Variants in ARHGAP35 observed in about 807,000 individuals in gnomAD.
ARHGAP35 encodes rho GTPase-activating protein 35.
A neutral mutation model predicts 111.1 loss-of-function variants in ARHGAP35; 15 were observed. The observed-to-expected ratio is 0.13, with a 90% CI of 0.09 to 0.21. The LOEUF is 0.21. ARHGAP35 is among the 10% of genes least tolerant of loss of function. The pLI is 1.00. For missense variants in ARHGAP35, 1,262 were observed against 1,873.0 expected, an observed-to-expected ratio of 0.67 and a Z score of 6.02; for synonymous variants, 643 against 710.3, an observed-to-expected ratio of 0.91 and a Z score of 1.51.
intron 1 of ARHGAP35, among the ~76,000 whole-genome samples, chr19:46,865,592 A>G (rs563597014): frequency 2.0e-5 from 3 of 152,312 alleles, no homozygotes; most frequent in African/African-American, 7.2e-5. Flanking sequence ...TGCACAGGTG[A>G]CAGTAAACCA....
chr19:46,991,905 A>T (rs948184996), intron 5 of ARHGAP35, among the ~76,000 whole-genome samples: 1 of 152,262 alleles, frequency 6.6e-6, no homozygotes, highest in Non-Finnish European at 1.5e-5. Flanking sequence ...TTGTGTCTCT[A>T]TATGTTCAGG....
In ARHGAP35 at chr19:46,988,256, C is replaced by T; in HGVS notation, c.3904+190C>T. 1 of 578,392 alleles carries T rather than the reference C, an allele frequency of 1.7e-6. No homozygotes were observed. Among genetic ancestry groups the T allele is most frequent in the Admixed American group, 2.8e-5 (1 of 35,838 alleles). 35.8% of individuals were successfully genotyped at this position (578,392 alleles called of 1,614,324 possible). A position where few individuals can be genotyped will look rare whatever the true frequency, so the allele number is the denominator to read the frequency against. On this transcript the variant is annotated intron_variant, in intron 4 of 6. Transcript: ENST00000672722. The surrounding 1 kb of genome is among the most constrained non-coding windows in gnomAD (Gnocchi z 5.4). ...GAGGGGACCGGGTCCTGTCAGTGAA[C>T]CGAAGCACCATCCCTGCCCAAGCTG...
chr19:46,888,364 A>ACACC (rs1204026031), intron 1 of ARHGAP35, among the ~76,000 whole-genome samples: 1 of 106,366 alleles, frequency 9.4e-6, no homozygotes, highest in African/African-American at 3.4e-5. Flanking sequence ...ACACACACAC[A>ACACC]CCCCACAACA....
At chr19:46,890,654 G>A (rs2056019229) in intron 1 of ARHGAP35, among the ~76,000 whole-genome samples, 1 of 152,210 alleles carries the variant, frequency 6.6e-6, no homozygotes, top group Non-Finnish European at 1.5e-5. Flanking sequence ...TCATTGATGG[G>A]TTGCAAACCT....
intron 3 of ARHGAP35, among the ~76,000 whole-genome samples, chr19:46,966,837 C>T (rs1044708330): frequency 6.6e-6 from 1 of 152,190 alleles, no homozygotes; most frequent in Admixed American, 6.5e-5. Flanking sequence ...AAATTAATAT[C>T]TCTCCACAGT....
chr19:46,967,111 A>AT (rs920916948), intron 3 of ARHGAP35, among the ~76,000 whole-genome samples: 221 of 144,194 alleles, frequency 1.5e-3, no homozygotes, highest in Middle Eastern at 3.6e-3. Flanking sequence ...GGCTTTTCAG[A>AT]TTTTTTTTTT....
At chr19:46,895,411 C>A (rs1025720381) in intron 1 of ARHGAP35, among the ~76,000 whole-genome samples, 6 of 152,156 alleles carry the variant, frequency 3.9e-5, no homozygotes, top group Non-Finnish European at 8.8e-5. Context: ...GTGATCCACC[C>A]GCCTCGGCCT....
rs748745406 is a variant in ARHGAP35, at chr19:46,919,008, G to A, written c.333G>A (p.Thr111=). Residue 111 remains threonine, a synonymous_variant, in exon 2 of 7, where the codon ACG becomes ACA. Coordinates refer to ENST00000672722, the MANE Select transcript of ARHGAP35 (RefSeq NM_004491.5). This position sits in a 1 kb window ranked among gnomAD's most constrained non-coding sequence, Gnocchi z 6.2. ...AGACTTTTCAACCTCATCGAAGCACGGCCCTGCAGCCCTATATCAAGAGAG... is the reference window on the plus strand; with the variant it reads ...AGACTTTTCAACCTCATCGAAGCACAGCCCTGCAGCCCTATATCAAGAGAG... ...DDQTFQPHRS[T]ALQPYIKRAA... is the part of the protein sequence containing the mutation. 7.1e-5 allele frequency: 115 copies of A among 1,613,842 alleles called. No homozygotes were observed. The highest frequency in any genetic ancestry group is 5.3e-4 in the South Asian group (48 of 91,084).
rs868079994 is a variant in ARHGAP35 at position 46,874,894 on chromosome 19, C to T, written c.-189+13685C>T. On this transcript the variant is annotated intron_variant, in intron 1 of 6. Coordinates refer to ENST00000672722, the MANE Select transcript of ARHGAP35 (RefSeq NM_004491.5). ...TGGCTCAGTCTCAGCTCACTGCAAC[C>T]TCCGCTTCCCGGGTTCAAGCGGTTC... 2.7e-5 allele frequency among the ~76,000 whole-genome samples: 4 copies of T among 148,120 alleles called. No homozygotes were observed. In the East Asian group the frequency reaches 7.9e-4, roughly 29 times the overall value.
intron 1 of ARHGAP35, among the ~76,000 whole-genome samples, chr19:46,867,489 G>A (rs2055864607): frequency 1.3e-5 from 2 of 152,134 alleles, no homozygotes; most frequent in Admixed American, 6.5e-5. Context: ...TACTAGCTTT[G>A]TGACTAGCCA....
Position 47,001,156 on chromosome 19 carries a change from C to T in ARHGAP35, c.*468C>T. On this transcript the variant is annotated 3_prime_UTR_variant, in exon 7 of 7. Transcript: ENST00000672722. This position sits in a 1 kb window ranked among gnomAD's most constrained non-coding sequence, Gnocchi z 5.4. ...TCCCACCTTCCATCTGCACACACCC[C>T]CAAGGTAAGGGTACAGCCCGGCTGG... 8.1e-7 allele frequency: 1 copy of T among 1,229,822 alleles called. No homozygotes were observed. The highest frequency in any genetic ancestry group is 1.0e-6 in the Non-Finnish European group (1 of 962,000). The allele number at this position is 1,229,822 out of a possible 1,614,324, so 76.2% of individuals were successfully genotyped here.
At chr19:46,871,022 A>G (rs917560707) in intron 1 of ARHGAP35, among the ~76,000 whole-genome samples, 1 of 152,192 alleles carries the variant, frequency 6.6e-6, no homozygotes, top group Non-Finnish European at 1.5e-5. Context: ...AGGCACTTCA[A>G]TTATTACTTT....
intron 1 of ARHGAP35, among the ~76,000 whole-genome samples, chr19:46,875,412 T>C (rs1445884008): frequency 6.6e-6 from 1 of 152,110 alleles, no homozygotes; most frequent in African/African-American, 2.4e-5. Context: ...CAGTCTTCAT[T>C]GAATAAAAGT....
chr19:46,890,144 C>T (rs192307524), intron 1 of ARHGAP35, among the ~76,000 whole-genome samples: 58 of 152,260 alleles, frequency 3.8e-4, no homozygotes, highest in Non-Finnish European at 7.3e-4. Context: ...ATTTTGTCTC[C>T]GTTTTACTTT....
rs1260381914 is a variant in ARHGAP35 at position 46,895,257 on chromosome 19, G to A, written c.-188-23231G>A. 2.7e-5 allele frequency among the ~76,000 whole-genome samples: 4 copies of A among 150,678 alleles called. No homozygotes were observed. The East Asian group carries it at 5.9e-4, about 22-fold the overall frequency. On this transcript the variant is annotated intron_variant, in intron 1 of 6. Coordinates refer to ENST00000672722, the MANE Select transcript of ARHGAP35 (RefSeq NM_004491.5). ...CGGCTCACTGCAAGCTCCACCTCCCGGGTTCACGCCATTCTCCTGCTTCAG... is the reference window on the plus strand; with the variant it reads ...CGGCTCACTGCAAGCTCCACCTCCCAGGTTCACGCCATTCTCCTGCTTCAG...
At position 46,988,151 on chromosome 19, in the gene ARHGAP35, G is replaced by A. The variant is rs559801473; in HGVS notation, c.3904+85G>A. 9.8e-6 allele frequency: 13 copies of A among 1,327,314 alleles called. No individual in the cohort carries two copies. Among genetic ancestry groups the A allele is most frequent in the Middle Eastern group, 2.0e-4 (1 of 4,940 alleles). The allele number at this position is 1,327,314 out of a possible 1,614,324, so 82.2% of individuals were successfully genotyped here. On this transcript the variant is annotated intron_variant, in intron 4 of 6. Transcript: ENST00000672722. The surrounding 1 kb of genome is among the most constrained non-coding windows in gnomAD (Gnocchi z 5.4). The stretch of plus-strand genomic sequence containing the variant: ...CTCGGTGAACTGTCTGTGGGGCTTC[G>A]GAGCACTCCTGCCAGCACAGACCCA...
chr19:46,905,903 C>T (rs2056105131), intron 1 of ARHGAP35, among the ~76,000 whole-genome samples: 1 of 151,280 alleles, frequency 6.6e-6, no homozygotes, highest in African/African-American at 2.4e-5. Context: ...CCAGGCTGGT[C>T]TTGAACTCCT....
chr19:46,912,665 T>C (rs2122183612), intron 1 of ARHGAP35, among the ~76,000 whole-genome samples: 1 of 152,272 alleles, frequency 6.6e-6, no homozygotes, highest in East Asian at 1.9e-4. Flanking sequence ...CGTGTTCTCT[T>C]CTTATTGAAA....
intron 1 of ARHGAP35, among the ~76,000 whole-genome samples, chr19:46,879,155 T>A (rs1005382149): frequency 6.6e-6 from 1 of 152,118 alleles, no homozygotes; most frequent in Non-Finnish European, 1.5e-5. Flanking sequence ...GTAGATTCCA[T>A]CTTAAAAAAT....
Sources: allele counts gnomAD v4.1 joint callset (sites outside exome capture counted in the v4.1 genomes callset), GRCh38; gene constraint gnomAD v4.1.1; non-coding constraint Gnocchi (gnomAD v3.1); transcripts MANE v1.5; gene names NCBI Gene and HGNC (gene_info 2026-07-23, HGNC 2026-07-21).